CENPE: variants seen among roughly 807,000 people sequenced by gnomAD.
The protein encoded by CENPE is centromere-associated protein E.
Under a neutral mutation model 336.1 loss-of-function variants are expected in CENPE, and 145 were observed. That is an observed-to-expected ratio of 0.43 (90% CI 0.38 to 0.50). The LOEUF is 0.50. CENPE is among the 20% of genes least tolerant of loss of function. The pLI is 0.00. For synonymous variants in CENPE, 1,013 were observed against 984.8 expected (o/e 1.03, Z -0.54); for missense variants, 2,719 against 3,023.3 (o/e 0.90, Z 2.36).
In CENPE at chr4:103,136,229, G is replaced by A. The variant is rs1200451959; in HGVS notation, c.6434C>T (p.Pro2145Leu). 1 of 1,613,746 alleles carries A rather than the reference G, an allele frequency of 6.2e-7. No homozygotes were observed. The highest frequency in any genetic ancestry group is 8.5e-7 in the Non-Finnish European group (1 of 1,179,768). The change falls in exon 40 of 49, where the codon CCC becomes CTC. Residue 2145 changes from proline to leucine, a missense_variant. Pro to Leu is a moderately conservative substitution (Grantham distance 98). This residue lies in a region of CENPE where 2,437 missense variants were observed against 2,513.3 expected (regional missense o/e 0.97). Coordinates refer to ENST00000265148, the MANE Select transcript of CENPE (RefSeq NM_001813.3). Reference sequence around the variant, plus strand: ...TTCAATGTGTTTGGTTTGTAAATAGGGAAGTGAGAGGTTTGCTTTAACTCT... The same window carrying A: ...TTCAATGTGTTTGGTTTGTAAATAGAGAAGTGAGAGGTTTGCTTTAACTCT... ...SMRVKANLSL[P>L]YLQTKHIEKL...
chr4:103,128,125 T>C (rs1751285864), intron 42 of CENPE, among the ~76,000 whole-genome samples: 1 of 152,084 alleles, frequency 6.6e-6, no homozygotes, highest in African/African-American at 2.4e-5. Flanking sequence ...AGTAGTGATA[T>C]TAATTTCACA....
At chr4:103,129,151 C>T (rs2125887604) in intron 42 of CENPE, among the ~76,000 whole-genome samples, 1 of 152,196 alleles carries the variant, frequency 6.6e-6, no homozygotes. Flanking sequence ...TTGAAAGACA[C>T]AATCTACCAA....
At chr4:103,107,100 C>T (rs1055307119) in intron 48 of CENPE, among the ~76,000 whole-genome samples, 3 of 152,130 alleles carry the variant, frequency 2.0e-5, no homozygotes, top group African/African-American at 7.2e-5. Flanking sequence ...GTGATTACAG[C>T]TGGGTGTGGT....
Position 103,159,303 on chromosome 4 carries a change from G to A in CENPE, c.2308C>T (p.Leu770Phe). 1 of 1,526,694 alleles carries A rather than the reference G, an allele frequency of 6.6e-7. No homozygotes were observed. 94.6% of individuals were successfully genotyped at this position (1,526,694 alleles called of 1,614,324 possible). A position where few individuals can be genotyped will look rare whatever the true frequency, so the allele number is the denominator to read the frequency against. Reference sequence around the variant, plus strand: ...TCTTTTTCTGATGTTATTATATGGAGCTCTTCAGATTTGTCTTGTATCTAT... The same window carrying A: ...TCTTTTTCTGATGTTATTATATGGAACTCTTCAGATTTGTCTTGTATCTAT... ...RKEIQDKSEE[L>F]HIITSEKDKL... Residue 770 changes from leucine (L) to phenylalanine (F), a missense_variant, in exon 22 of 49, where the codon CTC becomes TTC. Leu to Phe is a conservative substitution (Grantham distance 22, BLOSUM62 0). Transcript: ENST00000265148.
intron 33 of CENPE, 22 bp downstream of exon 33, chr4:103,144,309 G>T: frequency 6.4e-7 from 1 of 1,563,042 alleles, no homozygotes; most frequent in Non-Finnish European, 8.7e-7. Context: ...GTTACTAGAG[G>T]TGTAGAGAGA....
chr4:103,125,456 T>A (rs1751003413), intron 42 of CENPE, among the ~76,000 whole-genome samples: 1 of 152,156 alleles, frequency 6.6e-6, no homozygotes, highest in Non-Finnish European at 1.5e-5. Context: ...AAACTGGTCT[T>A]AAGCAATGTT....
chr4:103,109,727 A>G (rs1749221523), intron 47 of CENPE, among the ~76,000 whole-genome samples: 2 of 152,204 alleles, frequency 1.3e-5, no homozygotes, highest in South Asian at 4.1e-4. Context: ...CTGAACTACC[A>G]TAAACACATT....
Position 103,123,150 on chromosome 4 carries a change from T to G in CENPE, c.6925-61A>C, listed in dbSNP as rs1017076217. 16 of 1,196,426 alleles carry G rather than the reference T, an allele frequency of 1.3e-5. No individual in the cohort carries two copies. The African/African-American group carries it at 2.3e-4, about 17-fold the overall frequency. The allele number at this position is 1,196,426 out of a possible 1,614,324, so 74.1% of individuals were successfully genotyped here. On this transcript the variant is annotated intron_variant, in intron 42 of 48. Coordinates refer to ENST00000265148, the MANE Select transcript of CENPE (RefSeq NM_001813.3). Reference sequence around the variant, plus strand: ...CGATTTATAGTAGTCCCCACTTACCTGCAATTTTATTTTCCATGGTTTCAG... The same window carrying G: ...CGATTTATAGTAGTCCCCACTTACCGGCAATTTTATTTTCCATGGTTTCAG...
At position 103,196,199 on chromosome 4, in the gene CENPE, C is replaced by T; in HGVS notation, c.202G>A (p.Ala68Thr). The T allele has an allele frequency of 6.2e-7, 1 of 1,613,760 alleles. No homozygotes were observed. Among genetic ancestry groups the T allele is most frequent in the Non-Finnish European group, 8.5e-7 (1 of 1,179,770 alleles). Reference sequence around the variant, plus strand: ...TGTATGGCAGAATCGATGATTGGTGCTGCTATTTCTTCATACACATTTTTG... The same window carrying T: ...TGTATGGCAGAATCGATGATTGGTGTTGCTATTTCTTCATACACATTTTTG... ...TTKNVYEEIA[A>T]PIIDSAIQGY... Residue 68 changes from alanine to threonine, a missense_variant, in exon 3 of 49, where the codon GCA (alanine) becomes ACA (threonine). By Grantham distance (58) the Ala-to-Thr change is moderately conservative (BLOSUM62 0). This residue lies in a region of CENPE where 106 missense variants were observed against 189.3 expected (regional missense o/e 0.56). Coordinates refer to ENST00000265148, the MANE Select transcript of CENPE (RefSeq NM_001813.3).
At chr4:103,132,305 T>C (rs1423175963) in intron 42 of CENPE, among the ~76,000 whole-genome samples, 1 of 152,140 alleles carries the variant, frequency 6.6e-6, no homozygotes, top group Admixed American at 6.6e-5. Context: ...CCATCTAAAG[T>C]AGCTGGCCAG....
intron 26 of CENPE, 117 bp downstream of exon 26, chr4:103,151,102 A>G: frequency 1.1e-6 from 1 of 871,608 alleles, no homozygotes; most frequent in Non-Finnish European, 1.8e-6. Context: ...CTAGCATTGA[A>G]ATATGTTCAT....
At chr4:103,108,729 C>T in intron 48 of CENPE, 74 bp downstream of exon 48, 1 of 1,373,262 alleles carries the variant, frequency 7.3e-7, no homozygotes, top group South Asian at 1.4e-5. Flanking sequence ...TAAACTTGCC[C>T]TTTGGGATCA....
At chr4:103,164,071 C>T (rs1032051032) in intron 16 of CENPE, among the ~76,000 whole-genome samples, 3 of 152,020 alleles carry the variant, frequency 2.0e-5, no homozygotes, top group South Asian at 2.1e-4. Flanking sequence ...TCATGCAGTG[C>T]CTTTACAATA....
intron 37 of CENPE, 39 bp downstream of exon 37, chr4:103,140,217 G>A (rs759333009): frequency 1.1e-5 from 17 of 1,547,306 alleles, no homozygotes; most frequent in African/African-American, 2.8e-5. Flanking sequence ...ATAATTTTGG[G>A]CACAGTTACT....
intron 14 of CENPE, 43 bp downstream of exon 14, chr4:103,176,856 G>T: frequency 2.8e-6 from 4 of 1,427,530 alleles, no homozygotes; most frequent in South Asian, 1.3e-5. Context: ...TTATAAGGAT[G>T]CTTTTATAAT....
chr4:103,159,317 T>C lies in CENPE; in HGVS notation c.2294A>G (p.Asp765Gly), dbSNP rs375734236. ...TATTATATGGAGCTCTTCAGATTTGTCTTGTATCTATGGAAAAGAAATAAA... is the reference window on the plus strand; with the variant it reads ...TATTATATGGAGCTCTTCAGATTTGCCTTGTATCTATGGAAAAGAAATAAA... Reference protein sequence around the residue: ...EVERLRKEIQDKSEELHIITS... With the variant: ...EVERLRKEIQGKSEELHIITS... Residue 765 changes from aspartate to glycine, a missense_variant, in exon 22 of 49, where the codon GAC becomes GGC. Around this residue, in one of 5 missense-constraint regions of CENPE, gnomAD observed 2,437 missense variants for 2,513.3 expected, o/e 0.97. Coordinates refer to ENST00000265148, the MANE Select transcript of CENPE (RefSeq NM_001813.3). The C allele has an allele frequency of 8.9e-6, 13 of 1,457,914 alleles. No individual in the cohort carries two copies. Among genetic ancestry groups the C allele is most frequent in the African/African-American group, 2.9e-5 (2 of 68,820 alleles). 90.3% of individuals were successfully genotyped at this position (1,457,914 alleles called of 1,614,324 possible).
chr4:103,171,110 A>G (rs1459643746), intron 16 of CENPE, among the ~76,000 whole-genome samples: 1 of 152,156 alleles, frequency 6.6e-6, no homozygotes, highest in Admixed American at 6.5e-5. Flanking sequence ...TCAGCAATGG[A>G]CAGATTATTC....
chr4:103,113,786 C>T (rs1010863210), intron 46 of CENPE, among the ~76,000 whole-genome samples: 3 of 150,130 alleles, frequency 2.0e-5, no homozygotes, highest in Non-Finnish European at 4.4e-5. Context: ...AGGTCAGGTG[C>T]TAACCCCACG....
chr4:103,107,400 T>C (rs901736433), intron 48 of CENPE, among the ~76,000 whole-genome samples: 1 of 152,228 alleles, frequency 6.6e-6, no homozygotes, highest in African/African-American at 2.4e-5. Context: ...AATCACAAAG[T>C]AGAGGTTTAT....
Sources: allele counts gnomAD v4.1 joint callset (sites outside exome capture counted in the v4.1 genomes callset), GRCh38; gene constraint gnomAD v4.1.1; regional missense constraint gnomAD v4.1.1; transcripts MANE v1.5; gene names NCBI Gene and HGNC (gene_info 2026-07-23, HGNC 2026-07-21).